BRI3BP: variants seen among roughly 807,000 people sequenced by gnomAD.
BRI3BP encodes BRI3-binding protein.
Under a neutral mutation model 15.8 loss-of-function variants are expected in BRI3BP, and 7 were observed. That is an observed-to-expected ratio of 0.44 (90% CI 0.25 to 0.83). The LOEUF is 0.83. Ranked by LOEUF, BRI3BP falls within the 40% of genes least tolerant of loss-of-function variation. BRI3BP has a pLI of 0.20. For synonymous variants in BRI3BP, 192 were observed against 163.5 expected (o/e 1.17, Z -1.33); for missense variants, 320 against 339.3 (o/e 0.94, Z 0.45).
At chr12:125,013,590 G>A (rs1955215269) in intron 2 of BRI3BP, among the ~76,000 whole-genome samples, 1 of 152,190 alleles carries the variant, frequency 6.6e-6, no homozygotes, top group Non-Finnish European at 1.5e-5. Context: ...TAGCTGCGAG[G>A]GAGGCAGGCT....
intron 1 of BRI3BP, among the ~76,000 whole-genome samples, chr12:124,996,647 A>G (rs1333330165): frequency 6.6e-6 from 1 of 151,700 alleles, no homozygotes; most frequent in Non-Finnish European, 1.5e-5. Context: ...TTTTAAATAA[A>G]GGAAAACTGG....
At chr12:125,049,868 G>A in the BRI3BP span, among the ~76,000 whole-genome samples, 3 of 152,196 alleles carry the variant, frequency 2.0e-5, no homozygotes, top group South Asian at 4.1e-4. Context: ...GTCGCGGGAA[G>A]GGAGGGGACT....
chr12:124,998,057 G>A (rs1955054935), intron 1 of BRI3BP, among the ~76,000 whole-genome samples: 1 of 151,816 alleles, frequency 6.6e-6, no homozygotes, highest in Non-Finnish European at 1.5e-5. Context: ...CCGGGAGGCG[G>A]CCGTTGCAGT....
At chr12:124,999,186 T>TG (rs1258429300) in intron 1 of BRI3BP, among the ~76,000 whole-genome samples, 1 of 152,188 alleles carries the variant, frequency 6.6e-6, no homozygotes, top group Non-Finnish European at 1.5e-5. Context: ...ACATCCTGAA[T>TG]GCCAGGTCGA....
intron 1 of BRI3BP, among the ~76,000 whole-genome samples, chr12:125,000,597 C>T (rs1404985704): frequency 6.6e-6 from 1 of 152,154 alleles, no homozygotes; most frequent in Non-Finnish European, 1.5e-5. Flanking sequence ...CAGGCGTGAG[C>T]CACCACGCCC....
chr12:125,006,611 A>G lies in BRI3BP; in HGVS notation c.214-5923A>G, dbSNP rs79818898. 7.9e-3 allele frequency among the ~76,000 whole-genome samples: 1,205 copies of G among 152,274 alleles called. 8 individuals are homozygous for G. The highest frequency in any genetic ancestry group is 0.013 in the Non-Finnish European group (899 of 68,018). On this transcript the variant is annotated intron_variant, in intron 1 of 2. Coordinates refer to ENST00000341446, the MANE Select transcript of BRI3BP (RefSeq NM_080626.6). Reference sequence around the variant, plus strand: ...CAGGTTGCCACCCTGCAACCCATGAATCTGACAAGAACCACCTCAGCTGCT... The same window carrying G: ...CAGGTTGCCACCCTGCAACCCATGAGTCTGACAAGAACCACCTCAGCTGCT...
chr12:125,042,375 G>A, the BRI3BP span, among the ~76,000 whole-genome samples: 3 of 151,794 alleles, frequency 2.0e-5, no homozygotes, highest in African/African-American at 4.8e-5. Context: ...TTCCCATGGT[G>A]TTTCTGTGAC....
chr12:125,046,697 C>G, the BRI3BP span, among the ~76,000 whole-genome samples: 2 of 152,202 alleles, frequency 1.3e-5, no homozygotes, highest in Non-Finnish European at 2.9e-5. Context: ...GAGTTATATG[C>G]TTATAGTATC....
chr12:124,999,005 G>A (rs575816337), intron 1 of BRI3BP, among the ~76,000 whole-genome samples: 48 of 152,230 alleles, frequency 3.2e-4, no homozygotes, highest in Non-Finnish European at 6.3e-4. Flanking sequence ...TTGATCCTGG[G>A]AGGTTGAGAC....
the BRI3BP span, among the ~76,000 whole-genome samples, chr12:125,041,041 A>G: frequency 7.3e-6 from 1 of 136,988 alleles, no homozygotes; most frequent in Non-Finnish European, 1.6e-5. Flanking sequence ...TATCCTTGTT[A>G]TTTTTTATTT....
chr12:125,003,762 G>A (rs1404908372), intron 1 of BRI3BP, among the ~76,000 whole-genome samples: 1 of 151,990 alleles, frequency 6.6e-6, no homozygotes, highest in South Asian at 2.1e-4. Context: ...AGACTAGCCT[G>A]GCCAACATAG....
rs561392594 is a variant in BRI3BP at position 125,025,501 on chromosome 12, C to A, written c.*71C>A. On this transcript the variant is annotated 3_prime_UTR_variant, in exon 3 of 3. Transcript: ENST00000341446. The stretch of plus-strand genomic sequence containing the variant: ...AGAAAACGAAAACGGAGGAAAAAAA[C>A]CCCAAACCCCAAACAATCTTAATAA... The A allele has an allele frequency of 9.2e-5, 123 of 1,337,680 alleles. No homozygotes were observed. The East Asian group carries it at 1.1e-3, about 12-fold the overall frequency. The allele number at this position is 1,337,680 out of a possible 1,614,324, so 82.9% of individuals were successfully genotyped here.
intron 2 of BRI3BP, 89 bp downstream of exon 2, chr12:125,012,725 T>C (rs2135993876): frequency 3.9e-6 from 4 of 1,038,768 alleles, no homozygotes; most frequent in South Asian, 3.8e-5. Flanking sequence ...GAGTAATACA[T>C]GAGAAGGTTG....
downstream of BRI3BP, among the ~76,000 whole-genome samples, chr12:125,033,459 C>T (rs546723418): frequency 5.3e-5 from 8 of 152,244 alleles, no homozygotes; most frequent in East Asian, 1.5e-3. Context: ...TCGTCAAAGC[C>T]GAGTGAGACT....
intron 2 of BRI3BP, among the ~76,000 whole-genome samples, chr12:125,023,033 G>C (rs1955314494): frequency 6.6e-6 from 1 of 152,014 alleles, no homozygotes; most frequent in African/African-American, 2.4e-5. Flanking sequence ...TAACTTTTTT[G>C]TTTGAATTTC....
intron 1 of BRI3BP, among the ~76,000 whole-genome samples, chr12:124,999,219 G>A (rs528373748): frequency 6.6e-6 from 1 of 152,118 alleles, no homozygotes; most frequent in African/African-American, 2.4e-5. Flanking sequence ...TTTTTCCCTT[G>A]CTCCTTGGTC....
At chr12:125,001,975 T>C (rs909094429) in intron 1 of BRI3BP, among the ~76,000 whole-genome samples, 3 of 152,224 alleles carry the variant, frequency 2.0e-5, no homozygotes, top group East Asian at 1.9e-4. Flanking sequence ...GGGCTTTTCA[T>C]AGGAGTGGAG....
At chr12:124,997,758 G>A (rs1264672675) in intron 1 of BRI3BP, among the ~76,000 whole-genome samples, 1 of 152,098 alleles carries the variant, frequency 6.6e-6, no homozygotes, top group South Asian at 2.1e-4. Context: ...GGAGGCCAAG[G>A]TGGGCAGCTC....
At chr12:124,999,118 T>C (rs1955062544) in intron 1 of BRI3BP, among the ~76,000 whole-genome samples, 1 of 152,114 alleles carries the variant, frequency 6.6e-6, no homozygotes, top group East Asian at 1.9e-4. Flanking sequence ...AAGCACCTAC[T>C]GTATGTGGAG....
Sources: gnomAD v4.1 joint callset for allele counts (sites outside exome capture counted in the v4.1 genomes callset) on GRCh38, gnomAD v4.1.1 for gene constraint, MANE v1.5 for transcripts, NCBI Gene and HGNC (gene_info 2026-07-23, HGNC 2026-07-21) for gene names.